Variants in TMEM232 observed in about 807,000 individuals in gnomAD.
TMEM232 encodes transmembrane protein 232.
In TMEM232, 80 loss-of-function variants were observed where a neutral mutation model predicts 78.8. The ratio of observed to expected loss-of-function variants is 1.01; its 90% CI spans 0.85 to 1.22. The LOEUF (loss-of-function observed/expected upper bound fraction) is 1.22. Ranked by LOEUF, TMEM232 falls within the 50% of genes most tolerant of loss-of-function variation. The probability of loss-of-function intolerance (pLI) is 0.00; values close to 1 mark genes in which losing one functional copy is unlikely to be tolerated. For synonymous variants in TMEM232, 297 were observed against 254.3 expected, an observed-to-expected ratio of 1.17 and a Z score of -1.60; for missense variants, 881 against 742.2, an observed-to-expected ratio of 1.19 and a Z score of -2.17.
intron 4 of TMEM232, among the ~76,000 whole-genome samples, chr5:110,390,001 C>T (rs890249198): frequency 5.9e-5 from 9 of 152,142 alleles, no homozygotes; most frequent in Non-Finnish European, 1.2e-4. Context: ...TGTCAGAGAA[C>T]GGATCATCCT....
At chr5:110,531,795 T>C (rs1008322089) in intron 11 of TMEM232, among the ~76,000 whole-genome samples, 1 of 152,192 alleles carries the variant, frequency 6.6e-6, no homozygotes, top group African/African-American at 2.4e-5. Flanking sequence ...ATGGCTCGTT[T>C]GGCAGCAACC....
At chr5:110,461,192 G>C (rs1008695280) in intron 12 of TMEM232, among the ~76,000 whole-genome samples, 1 of 151,422 alleles carries the variant, frequency 6.6e-6, no homozygotes, top group African/African-American at 2.4e-5. Flanking sequence ...AGCTGTGAAT[G>C]CAAAAAAAAG....
At chr5:110,611,431 G>A (rs941397709) in intron 8 of TMEM232, among the ~76,000 whole-genome samples, 1 of 152,152 alleles carries the variant, frequency 6.6e-6, no homozygotes, top group African/African-American at 2.4e-5. Context: ...AGGGAAGCTG[G>A]TGTGGGAGAG....
intron 8 of TMEM232, among the ~76,000 whole-genome samples, 166 bp downstream of exon 8, chr5:110,618,263 T>C (rs1012701324): frequency 2.0e-5 from 3 of 152,104 alleles, no homozygotes; most frequent in Non-Finnish European, 4.4e-5. Flanking sequence ...ATTGATGAAA[T>C]GAATTAATAC....
intron 1 of TMEM232, among the ~76,000 whole-genome samples, chr5:110,713,175 C>G (rs1414133074): frequency 6.6e-6 from 1 of 151,628 alleles, no homozygotes; most frequent in Non-Finnish European, 1.5e-5. Context: ...CAGGTTTTCA[C>G]TTATTTGTGG....
chr5:110,486,708 G>GCCA (rs1311713477), intron 12 of TMEM232, among the ~76,000 whole-genome samples: 1 of 152,152 alleles, frequency 6.6e-6, no homozygotes, highest in Non-Finnish European at 1.5e-5. Flanking sequence ...TGCTGTTAAT[G>GCCA]TGACTATGGC....
upstream of TMEM232, chr5:110,738,612 ACTC>A (rs1459798418): frequency 5.1e-6 from 1 of 197,106 alleles, no homozygotes; most frequent in East Asian, 1.8e-4. Flanking sequence ...ACCCTCCACA[ACTC>A]CAACCTCTAC....
intron 10 of TMEM232, among the ~76,000 whole-genome samples, chr5:110,603,937 C>A (rs1781250664): frequency 6.6e-6 from 1 of 152,044 alleles, no homozygotes; most frequent in Non-Finnish European, 1.5e-5. Context: ...ATAATTTCCC[C>A]CAAATCAGTG....
chr5:110,426,844 G>T lies in TMEM232; in HGVS notation c.1704-1928C>A, dbSNP rs1757295693. ...GCAGTTTTGGTATTCAAAGAATTGT[G>T]CCAAATGCTATAAAAAGATAAATAA... On this transcript the variant is annotated intron_variant, in intron 12 of 13. Transcript: ENST00000455884. Among the ~76,000 whole-genome samples, 4 of 152,062 alleles carry T rather than the reference G, an allele frequency of 2.6e-5. No homozygotes were observed. In the South Asian group the frequency reaches 8.3e-4, roughly 31 times the overall value.
At chr5:110,579,413 A>G (rs1418788257) in intron 10 of TMEM232, among the ~76,000 whole-genome samples, 1 of 151,770 alleles carries the variant, frequency 6.6e-6, no homozygotes, top group Non-Finnish European at 1.5e-5. Flanking sequence ...AAAATATAAA[A>G]CTCATTGGTA....
chr5:110,715,773 T>C (rs1444389160), intron 1 of TMEM232, among the ~76,000 whole-genome samples: 2 of 152,066 alleles, frequency 1.3e-5, no homozygotes, highest in Admixed American at 6.6e-5. Flanking sequence ...TCCTCCCTTT[T>C]GGAATGCAGG....
chr5:110,642,997 T>C (rs1220125817), intron 2 of TMEM232, among the ~76,000 whole-genome samples: 1 of 151,536 alleles, frequency 6.6e-6, no homozygotes, highest in African/African-American at 2.4e-5. Context: ...AGGGGGAGCT[T>C]ACATGTAGTT....
chr5:110,517,472 A>G (rs1768844086), intron 12 of TMEM232, among the ~76,000 whole-genome samples: 1 of 152,206 alleles, frequency 6.6e-6, no homozygotes, highest in Non-Finnish European at 1.5e-5. Context: ...TAAGACAGAA[A>G]ATACTGTTTA....
At chr5:110,650,080 C>T (rs1788085789) in intron 2 of TMEM232, among the ~76,000 whole-genome samples, 1 of 151,994 alleles carries the variant, frequency 6.6e-6, no homozygotes, top group Non-Finnish European at 1.5e-5. Flanking sequence ...GTAACTGGTA[C>T]TACTATCATG....
chr5:110,422,485 A>C (rs1222563145), intron 13 of TMEM232, among the ~76,000 whole-genome samples: 1 of 133,790 alleles, frequency 7.5e-6, no homozygotes, highest in Non-Finnish European at 1.5e-5. Context: ...ACACCACTGC[A>C]CTCCAGCCTG....
intron 2 of TMEM232, among the ~76,000 whole-genome samples, chr5:110,648,784 A>C (rs1050489886): frequency 1.3e-5 from 2 of 152,088 alleles, no homozygotes; most frequent in Non-Finnish European, 2.9e-5. Flanking sequence ...TCCTAAACGC[A>C]TGTTCTTTGC....
chr5:110,723,141 G>C (rs1797814523), intron 1 of TMEM232, among the ~76,000 whole-genome samples: 1 of 152,006 alleles, frequency 6.6e-6, no homozygotes, highest in South Asian at 2.1e-4. Context: ...TCTGGGCCTG[G>C]TACTTTCTGT....
intron 1 of TMEM232, among the ~76,000 whole-genome samples, chr5:110,683,267 G>A (rs1348115220): frequency 3.3e-5 from 5 of 151,950 alleles, no homozygotes; most frequent in African/African-American, 4.8e-5. Flanking sequence ...AATAAATGGG[G>A]ATTTATTAAC....
Position 110,678,233 on chromosome 5 carries a change from T to A in TMEM232, c.-12-10869A>T, listed in dbSNP as rs373649544. On this transcript the variant is annotated intron_variant, in intron 1 of 13. Transcript: ENST00000455884. ...GCACCCACCACCAAGCCTGGCTAAT[T>A]TTTGTATTTTTAGTAGAGACGGGGT... is the stretch of plus-strand genomic sequence containing the variant. Among the ~76,000 whole-genome samples the A allele has an allele frequency of 7.2e-5, 11 of 151,840 alleles. 1 individual carries two copies. Among genetic ancestry groups the A allele is most frequent in the East Asian group, 3.9e-4 (2 of 5,122 alleles).
Sources: gnomAD v4.1 joint callset for allele counts (sites outside exome capture counted in the v4.1 genomes callset) on GRCh38, gnomAD v4.1.1 for gene constraint, MANE v1.5 for transcripts, NCBI Gene and HGNC (gene_info 2026-07-23, HGNC 2026-07-21) for gene names.